The following AGO2 variants were observed in gnomAD, a reference collection of about 807,000 sequenced individuals.
AGO2 encodes protein argonaute-2.
Under a neutral mutation model 102.3 loss-of-function variants are expected in AGO2, and 5 were observed. The observed-to-expected ratio is 0.05, with a 90% CI of 0.03 to 0.10. The LOEUF is 0.10. Among genes scored for constraint, AGO2 ranks in the 10% least tolerant of loss-of-function variants. The pLI is 1.00. For missense variants in AGO2, 541 were observed against 1,183.7 expected (o/e 0.46, Z 7.97); for synonymous variants, 449 against 473.1 (o/e 0.95, Z 0.66).
At chr8:140,548,244 A>G (rs1178795257) in intron 12 of AGO2, among the ~76,000 whole-genome samples, 2 of 148,620 alleles carry the variant, frequency 1.3e-5, no homozygotes, top group Non-Finnish European at 3.0e-5. Flanking sequence ...TGAACTCAGG[A>G]GGCAGAGATT....
rs904211199 is a variant in AGO2 at position 140,521,950 on chromosome 8, A to G, written c.*10094T>C. The G allele has an allele frequency of 6.6e-6, 1 of 152,202 alleles. No individual in the cohort carries two copies. The highest frequency in any genetic ancestry group is 1.5e-5 in the Non-Finnish European group (1 of 68,026). 9.4% of individuals were successfully genotyped at this position (152,202 alleles called of 1,614,324 possible). A position where few individuals can be genotyped will look rare whatever the true frequency, so the allele number is the denominator to read the frequency against. On this transcript the variant is annotated 3_prime_UTR_variant, in exon 19 of 19. Transcript: ENST00000220592. ...GAAGTGATAAGCTATAAATATGTGC[A>G]TAGAGGAGTTTGGACTTTATTGTTT...
At chr8:140,579,177 T>G (rs1316019821) in intron 2 of AGO2, among the ~76,000 whole-genome samples, 2 of 151,674 alleles carry the variant, frequency 1.3e-5, no homozygotes, top group African/African-American at 4.9e-5. Flanking sequence ...GAGCCATCAC[T>G]GCGTCACTGC....
intron 1 of AGO2, among the ~76,000 whole-genome samples, chr8:140,620,688 G>C (rs866769645): frequency 3.9e-5 from 6 of 152,032 alleles, no homozygotes; most frequent in Admixed American, 1.3e-4. Context: ...CTAACATGGA[G>C]AGACCCTGTC....
In AGO2 at chr8:140,549,107, C is replaced by T. The variant is rs1400502197; in HGVS notation, c.1588+7G>A. 3 of 1,596,714 alleles carry T rather than the reference C, an allele frequency of 1.9e-6. No homozygotes were observed. The highest frequency in any genetic ancestry group is 1.7e-5 in the Admixed American group (1 of 59,346). ...TCCCCACAGCCAGCGGGAGCGCCCA[C>T]ACCTACCGTACACGGGCGTCTTGCC... On this transcript the variant is annotated splice_region_variant and intron_variant, in intron 12 of 18. Coordinates refer to ENST00000220592, the MANE Select transcript of AGO2 (RefSeq NM_012154.5).
At chr8:140,611,807 C>T (rs571621326) in intron 1 of AGO2, among the ~76,000 whole-genome samples, 3 of 152,278 alleles carry the variant, frequency 2.0e-5, no homozygotes, top group African/African-American at 7.2e-5. Flanking sequence ...GTGACCTGCA[C>T]TTCAAAGAAA....
rs1220429532 is a variant in AGO2 at position 140,528,672 on chromosome 8, G to A, written c.*3372C>T. ...GGAGACCCTGATGTGCAATCAAAAG[G>A]CTGCATGTAAAGACTGCTTGAACCA... On this transcript the variant is annotated 3_prime_UTR_variant, in exon 19 of 19. Coordinates refer to ENST00000220592, the MANE Select transcript of AGO2 (RefSeq NM_012154.5). This position sits in a 1 kb window ranked among gnomAD's most constrained non-coding sequence, Gnocchi z 4.5. The A allele has an allele frequency of 6.6e-6, 1 of 152,070 alleles. No homozygotes were observed. The highest frequency in any genetic ancestry group is 1.5e-5 in the Non-Finnish European group (1 of 68,010). 9.4% of individuals were successfully genotyped at this position (152,070 alleles called of 1,614,324 possible).
intron 1 of AGO2, among the ~76,000 whole-genome samples, chr8:140,596,960 C>G (rs1477778122): frequency 6.6e-6 from 1 of 152,216 alleles, no homozygotes; most frequent in Non-Finnish European, 1.5e-5. Flanking sequence ...GCCAGCCAGC[C>G]AAGGTGCAGA....
intron 2 of AGO2, among the ~76,000 whole-genome samples, chr8:140,578,225 G>A (rs2073497338): frequency 6.6e-6 from 1 of 152,192 alleles, no homozygotes; most frequent in African/African-American, 2.4e-5. Context: ...AACACGGGGG[G>A]TCCCTTCCCT....
At chr8:140,625,477 A>G (rs2074264322) in intron 1 of AGO2, among the ~76,000 whole-genome samples, 1 of 151,700 alleles carries the variant, frequency 6.6e-6, no homozygotes, top group South Asian at 2.1e-4. Context: ...CCAGCCCCTG[A>G]CCCTGCTCAA....
chr8:140,580,124 G>A (rs1308769533), intron 2 of AGO2, among the ~76,000 whole-genome samples: 1 of 152,166 alleles, frequency 6.6e-6, no homozygotes, highest in Non-Finnish European at 1.5e-5. Context: ...CTCGGGGCTG[G>A]CTCAAGACTG....
At chr8:140,538,050 C>T (rs1303629188) in intron 16 of AGO2, among the ~76,000 whole-genome samples, 2 of 151,624 alleles carry the variant, frequency 1.3e-5, no homozygotes, top group Non-Finnish European at 2.9e-5. Context: ...GGTCTCCTGA[C>T]CTCAGGTGAC....
chr8:140,537,363 G>A (rs1479118602), intron 16 of AGO2, among the ~76,000 whole-genome samples: 2 of 151,292 alleles, frequency 1.3e-5, no homozygotes, highest in Non-Finnish European at 2.9e-5. Context: ...GTGCAGTGGT[G>A]CAATCACAGC....
chr8:140,619,706 G>C (rs2074191668), intron 1 of AGO2, among the ~76,000 whole-genome samples: 2 of 152,136 alleles, frequency 1.3e-5, no homozygotes, highest in Admixed American at 1.3e-4. Flanking sequence ...AGGGGTGCGG[G>C]CCGGCAACTC....
chr8:140,552,730 G>GCA (rs1564082178), intron 10 of AGO2, among the ~76,000 whole-genome samples: 42 of 112,362 alleles, frequency 3.7e-4, no homozygotes, highest in South Asian at 8.3e-4. Flanking sequence ...GCACATGCAC[G>GCA]CGCGCGCGCG....
chr8:140,637,778 T>G (rs1159343212), upstream of AGO2: 1 of 152,450 alleles, frequency 6.6e-6, no homozygotes, highest in Non-Finnish European at 1.5e-5. Context: ...TGTCCCTCAC[T>G]CAGCATGGCT....
chr8:140,612,847 T>TC (rs1213724070), intron 1 of AGO2, among the ~76,000 whole-genome samples: 1 of 151,862 alleles, frequency 6.6e-6, no homozygotes, highest in African/African-American at 2.4e-5. Context: ...ACAACAACCC[T>TC]CCCTTCCAGC....
At chr8:140,641,714 G>C in the AGO2 span, among the ~76,000 whole-genome samples, 14 of 152,324 alleles carry the variant, frequency 9.2e-5, no homozygotes, top group African/African-American at 3.1e-4. Context: ...CCCCCGAGTA[G>C]CTGGGATTGC....
chr8:140,538,539 C>T (rs182674385), intron 16 of AGO2, among the ~76,000 whole-genome samples: 1 of 152,256 alleles, frequency 6.6e-6, no homozygotes, highest in Non-Finnish European at 1.5e-5. Context: ...TCCTGCTCCT[C>T]CTCATTCCCC....
upstream of AGO2, chr8:140,636,721 C>G (rs137873282): frequency 6.6e-6 from 1 of 152,234 alleles, no homozygotes; most frequent in Non-Finnish European, 1.5e-5. Flanking sequence ...CCTCCGAAAA[C>G]TCAAAAGGAC....
Sources: gnomAD v4.1 joint callset for allele counts (sites outside exome capture counted in the v4.1 genomes callset) on GRCh38, gnomAD v4.1.1 for gene constraint, Gnocchi (gnomAD v3.1) non-coding constraint, MANE v1.5 for transcripts, NCBI Gene and HGNC (gene_info 2026-07-23, HGNC 2026-07-21) for gene names.